FHOD3: variants seen among roughly 807,000 people sequenced by gnomAD.
FHOD3 encodes the protein FH1/FH2 domain-containing protein 3.
FHOD3 carries 90 observed loss-of-function variants against 173.0 expected under a neutral mutation model. The observed-to-expected ratio is 0.52, with a 90% CI of 0.44 to 0.62. The LOEUF (loss-of-function observed/expected upper bound fraction) is 0.62, where lower values mean the gene tolerates loss of function less well. FHOD3 is among the 20% of genes least tolerant of loss of function. The pLI is 0.00. For synonymous variants in FHOD3, 828 were observed against 823.0 expected, an observed-to-expected ratio of 1.01 and a Z score of -0.10; for missense variants, 1,945 against 2,034.7, an observed-to-expected ratio of 0.96 and a Z score of 0.85.
rs1033268581 is a variant in FHOD3 at position 36,456,475 on chromosome 18, G to T, written c.338-45457G>T. 8.5e-5 allele frequency among the ~76,000 whole-genome samples: 13 copies of T among 152,092 alleles called. 1 individual carries two copies. The highest frequency in any genetic ancestry group is 1.6e-4 in the Non-Finnish European group (11 of 68,030). The stretch of plus-strand genomic sequence containing the variant: ...AATAGATTAGAAGATTAGTGGAAAA[G>T]AAATGGTCATTTCTTATAAAACAGT... On this transcript the variant is annotated intron_variant, in intron 3 of 28. Coordinates refer to ENST00000590592, the MANE Select transcript of FHOD3 (RefSeq NM_001281740.3).
intron 28 of FHOD3, among the ~76,000 whole-genome samples, chr18:36,772,860 G>A (rs898899645): frequency 1.3e-5 from 2 of 152,194 alleles, no homozygotes; most frequent in African/African-American, 4.8e-5. Flanking sequence ...TTCTATCCAA[G>A]GATCTCCAGT....
intron 5 of FHOD3, among the ~76,000 whole-genome samples, chr18:36,537,777 T>C (rs2057054926): frequency 6.6e-6 from 1 of 152,152 alleles, no homozygotes; most frequent in South Asian, 2.1e-4. Context: ...TCTAAACAGT[T>C]GGTAGAATAA....
chr18:36,691,005 G>A (rs2038929559), intron 16 of FHOD3, among the ~76,000 whole-genome samples: 2 of 152,148 alleles, frequency 1.3e-5, no homozygotes, highest in Admixed American at 1.3e-4. Flanking sequence ...ATGTCTTACA[G>A]ATCTTCAGTG....
At chr18:36,525,638 G>A (rs1309803433) in intron 5 of FHOD3, among the ~76,000 whole-genome samples, 2 of 152,192 alleles carry the variant, frequency 1.3e-5, no homozygotes, top group Non-Finnish European at 2.9e-5. Flanking sequence ...TGACCTCAGA[G>A]GTCTTTTGTA....
intron 3 of FHOD3, among the ~76,000 whole-genome samples, chr18:36,458,402 T>C (rs2052348620): frequency 6.6e-6 from 1 of 152,254 alleles, no homozygotes; most frequent in South Asian, 2.1e-4. Flanking sequence ...TAAAAAACTT[T>C]TTTGGCAGCA....
chr18:36,381,545 C>T (rs1295415130), intron 3 of FHOD3, among the ~76,000 whole-genome samples: 4 of 152,144 alleles, frequency 2.6e-5, no homozygotes, highest in African/African-American at 4.8e-5. Flanking sequence ...GCAGAGGCTG[C>T]GAGTCCCTGT....
intron 3 of FHOD3, among the ~76,000 whole-genome samples, chr18:36,450,497 GA>G (rs1318998540): frequency 6.7e-6 from 1 of 149,040 alleles, no homozygotes; most frequent in Non-Finnish European, 1.5e-5. Context: ...AATTTTTAAA[GA>G]AAACTCCCTG....
intron 3 of FHOD3, among the ~76,000 whole-genome samples, chr18:36,468,582 A>T (rs2053090901): frequency 6.6e-6 from 1 of 152,138 alleles, no homozygotes; most frequent in Non-Finnish European, 1.5e-5. Context: ...TGAGCAAATC[A>T]ATCAGGGAAT....
chr18:36,398,724 C>T (rs115604146), intron 3 of FHOD3, among the ~76,000 whole-genome samples: 3,391 of 152,272 alleles, frequency 0.022, 122 homozygotes, highest in African/African-American at 0.078. Flanking sequence ...ATGTGCTTTG[C>T]GTTCCCTTCA....
intron 3 of FHOD3, among the ~76,000 whole-genome samples, chr18:36,438,935 ACT>A (rs1291006326): frequency 6.6e-6 from 1 of 152,050 alleles, no homozygotes; most frequent in Non-Finnish European, 1.5e-5. Context: ...ATCTGGGATG[ACT>A]CTGTCTACCT....
intron 15 of FHOD3, among the ~76,000 whole-genome samples, chr18:36,685,080 T>C (rs972002049): frequency 7.9e-5 from 12 of 152,234 alleles, no homozygotes; most frequent in Non-Finnish European, 1.5e-4. Flanking sequence ...GCTAGACTTA[T>C]AGGCATGAGC....
At chr18:36,406,093 T>G (rs1871674959) in intron 3 of FHOD3, among the ~76,000 whole-genome samples, 2 of 146,392 alleles carry the variant, frequency 1.4e-5, no homozygotes, top group South Asian at 2.3e-4. Context: ...GTTTTTGTTT[T>G]TGTTTTTTTG....
At chr18:36,531,872 C>A (rs902450102) in intron 5 of FHOD3, among the ~76,000 whole-genome samples, 5 of 152,252 alleles carry the variant, frequency 3.3e-5, no homozygotes, top group Non-Finnish European at 7.3e-5. Context: ...CTGGGCTATT[C>A]CTGTGCGTGT....
Position 36,298,708 on chromosome 18 carries a change from G to T in FHOD3, c.165+708G>T, listed in dbSNP as rs1025084562. 2.0e-5 allele frequency among the ~76,000 whole-genome samples: 3 copies of T among 152,148 alleles called. No individual in the cohort carries two copies. In the South Asian group the frequency reaches 6.2e-4, roughly 32 times the overall value. ...TCACAAAGCCTCAGCTTGGCAGCCC[G>T]AAATGAGTGTCCCCTGGGAAGAATG... On this transcript the variant is annotated intron_variant, in intron 1 of 28. Transcript: ENST00000590592.
intron 6 of FHOD3, 111 bp downstream of exon 6, chr18:36,576,656 G>T: frequency 1.4e-6 from 1 of 708,488 alleles, no homozygotes; most frequent in Non-Finnish European, 2.3e-6. Flanking sequence ...TTTTCAAGCC[G>T]TTACAGTATA....
intron 2 of FHOD3, among the ~76,000 whole-genome samples, chr18:36,369,855 A>C (rs1048779663): frequency 1.3e-5 from 2 of 152,180 alleles, no homozygotes; most frequent in African/African-American, 4.8e-5. Flanking sequence ...AGAGGTGGTT[A>C]TACAGTGAGG....
chr18:36,555,637 G>T (rs941906301), intron 5 of FHOD3, among the ~76,000 whole-genome samples: 1 of 152,014 alleles, frequency 6.6e-6, no homozygotes, highest in Non-Finnish European at 1.5e-5. Flanking sequence ...TATTGTTGAC[G>T]TTTCCAACCA....
At chr18:36,584,254 G>C (rs1293030956) in intron 6 of FHOD3, among the ~76,000 whole-genome samples, 4 of 152,136 alleles carry the variant, frequency 2.6e-5, no homozygotes, top group African/African-American at 9.7e-5. Context: ...CTAGATTTCA[G>C]GCTACTTGGT....
chr18:36,380,878 A>G (rs534614997), intron 3 of FHOD3, among the ~76,000 whole-genome samples: 117 of 152,184 alleles, frequency 7.7e-4, no homozygotes, highest in Admixed American at 2.0e-3. Flanking sequence ...TCCCACCTAC[A>G]GGTTCAAGAG....
Sources: gnomAD v4.1 joint callset for allele counts (sites outside exome capture counted in the v4.1 genomes callset) on GRCh38, gnomAD v4.1.1 for gene constraint, MANE v1.5 for transcripts, NCBI Gene and HGNC (gene_info 2026-07-23, HGNC 2026-07-21) for gene names.